CPS1: variants seen among roughly 807,000 people sequenced by gnomAD.
The protein encoded by CPS1 is carbamoyl-phosphate synthase [ammonia], mitochondrial.
Under a neutral mutation model 174.6 loss-of-function variants are expected in CPS1, and 109 were observed. The observed-to-expected ratio is 0.62, with a 90% confidence interval of 0.53 to 0.73. The LOEUF is 0.73. Among genes scored for constraint, CPS1 ranks in the 30% least tolerant of loss-of-function variants. CPS1 has a pLI of 0.00. For missense variants in CPS1, 1,689 were observed against 1,821.9 expected, an observed-to-expected ratio of 0.93 and a Z score of 1.33; for synonymous variants, 637 against 632.0, an observed-to-expected ratio of 1.01 and a Z score of -0.12.
intron 1 of CPS1, among the ~76,000 whole-genome samples, chr2:210,509,568 T>C (rs1695392983): frequency 1.3e-5 from 2 of 152,110 alleles, no homozygotes; most frequent in Admixed American, 6.5e-5. Context: ...GGGTATTCAG[T>C]TAGGAAAAGA....
At chr2:210,495,071 T>A (rs1046287506) in intron 1 of CPS1, among the ~76,000 whole-genome samples, 1 of 152,212 alleles carries the variant, frequency 6.6e-6, no homozygotes, top group South Asian at 2.1e-4. Context: ...TTGAAAATCA[T>A]TGGTAAAATG....
chr2:210,583,859 T>C (rs540935683), intron 6 of CPS1, among the ~76,000 whole-genome samples: 2 of 152,212 alleles, frequency 1.3e-5, no homozygotes, highest in Admixed American at 6.6e-5. Flanking sequence ...TAGAAGGTTA[T>C]TGTAACTTAT....
chr2:210,600,488 A>C, intron 14 of CPS1, 67 bp from the exon 15 acceptor site: 1 of 1,457,548 alleles, frequency 6.9e-7, no homozygotes, highest in Middle Eastern at 1.7e-4. Context: ...AGTTGTATTC[A>C]GTTGTCTATT....
chr2:210,515,622 T>A (rs747564917), intron 1 of CPS1, among the ~76,000 whole-genome samples: 8 of 151,724 alleles, frequency 5.3e-5, no homozygotes, highest in African/African-American at 1.9e-4. Flanking sequence ...AGTGGTCTCT[T>A]GATCTTGTTT....
chr2:210,554,233 ATG>A (rs1229760720), upstream of CPS1, among the ~76,000 whole-genome samples: 8 of 145,144 alleles, frequency 5.5e-5, no homozygotes, highest in South Asian at 4.3e-4. Context: ...ACATATATAT[ATG>A]TATGTATATA....
At chr2:210,541,114 C>T (rs753437777) in intron 1 of CPS1, among the ~76,000 whole-genome samples, 1 of 152,122 alleles carries the variant, frequency 6.6e-6, no homozygotes, top group Non-Finnish European at 1.5e-5. Flanking sequence ...CCCCAAGACT[C>T]AGATCATCGG....
intron 15 of CPS1, among the ~76,000 whole-genome samples, chr2:210,600,923 A>T (rs1449096769): frequency 6.6e-6 from 1 of 151,942 alleles, no homozygotes; most frequent in African/African-American, 2.4e-5. Flanking sequence ...AAAGAGAAAC[A>T]GAAGTCCAGA....
chr2:210,521,083 A>T (rs760339834), intron 1 of CPS1, among the ~76,000 whole-genome samples: 1 of 152,020 alleles, frequency 6.6e-6, no homozygotes, highest in Non-Finnish European at 1.5e-5. Flanking sequence ...AGGAGTTTCA[A>T]TTCTTTGAGG....
chr2:210,547,125 A>G (rs1165432475), intron 1 of CPS1, among the ~76,000 whole-genome samples: 1 of 152,128 alleles, frequency 6.6e-6, no homozygotes, highest in African/African-American at 2.4e-5. Flanking sequence ...AGCTGAGCCA[A>G]AGAATTTACA....
In CPS1 at chr2:210,579,765, G is replaced by A; in HGVS notation, c.523G>A (p.Asp175Asn). ...DTRMLTKIIR[D>N]KGTMLGKIEF... is the part of the protein sequence containing the mutation. ...AAGAATGCTGACTAAAATAATTCGGGATAAGGTATAATCATCATCTTTAGC... is the reference window on the plus strand; with the variant it reads ...AAGAATGCTGACTAAAATAATTCGGAATAAGGTATAATCATCATCTTTAGC... Residue 175 changes from aspartate (D) to asparagine (N), a missense_variant, in exon 5 of 38, where the codon GAT becomes AAT. Physicochemically the swap from Asp to Asn is conservative, Grantham distance 23. Transcript: ENST00000233072. 1 of 1,612,012 alleles carries A rather than the reference G, an allele frequency of 6.2e-7. No homozygotes were observed. Among genetic ancestry groups the A allele is most frequent in the Non-Finnish European group, 8.5e-7 (1 of 1,179,110 alleles).
intron 19 of CPS1, 21 bp downstream of exon 19, chr2:210,608,580 G>T: frequency 6.2e-7 from 1 of 1,605,474 alleles, no homozygotes; most frequent in Non-Finnish European, 8.5e-7. Flanking sequence ...GGTTTATTAC[G>T]CTTTTCTTCT....
At chr2:210,480,765 C>T (rs879303346) in intron 1 of CPS1, among the ~76,000 whole-genome samples, 10 of 152,116 alleles carry the variant, frequency 6.6e-5, no homozygotes, top group Admixed American at 5.2e-4. Flanking sequence ...GTTGACATTA[C>T]CTTATTTTCT....
Position 210,675,791 on chromosome 2 carries a change from G to A in CPS1, c.4225G>A (p.Ala1409Thr), listed in dbSNP as rs1305015806. The A allele has an allele frequency of 4.4e-6, 7 of 1,607,574 alleles. No homozygotes were observed. Among genetic ancestry groups the A allele is most frequent in the African/African-American group, 1.3e-5 (1 of 74,802 alleles). The change falls in exon 36 of 38, where the codon GCA becomes ACA. Residue 1409 changes from alanine (A) to threonine (T), a missense_variant. Physicochemically the swap from Ala to Thr is moderately conservative, Grantham distance 58. Coordinates refer to ENST00000233072, the MANE Select transcript of CPS1 (RefSeq NM_001875.5). Reference protein sequence around the residue: ...NANNVPATPVAWPSQEGQNPS... With the variant: ...NANNVPATPVTWPSQEGQNPS... ...CAACAATGTCCCTGCCACCCCAGTG[G>A]CATGGCCGTCTCAAGAAGGACAGAA...
intron 1 of CPS1, among the ~76,000 whole-genome samples, chr2:210,540,348 G>C (rs924659470): frequency 2.0e-5 from 3 of 152,148 alleles, no homozygotes; most frequent in African/African-American, 7.2e-5. Flanking sequence ...GAACATTCAT[G>C]CATTTAAATA....
intron 6 of CPS1, among the ~76,000 whole-genome samples, chr2:210,584,683 A>C (rs1357871258): frequency 6.6e-6 from 1 of 152,088 alleles, no homozygotes; most frequent in East Asian, 1.9e-4. Flanking sequence ...AAGTCTATTT[A>C]AAATCAAATG....
chr2:210,549,460 G>A (rs1696662748), intron 1 of CPS1, among the ~76,000 whole-genome samples: 3 of 152,028 alleles, frequency 2.0e-5, no homozygotes, highest in South Asian at 4.1e-4. Context: ...TTTAGACCAA[G>A]TTATAAGAAA....
chr2:210,541,291 G>A (rs904078506), intron 1 of CPS1, among the ~76,000 whole-genome samples: 1 of 152,138 alleles, frequency 6.6e-6, no homozygotes, highest in Non-Finnish European at 1.5e-5. Context: ...TTCTTGCCTG[G>A]CCAATCAAAC....
intron 4 of CPS1, 149 bp downstream of exon 4, chr2:210,577,659 C>T: frequency 1.4e-6 from 1 of 723,368 alleles, no homozygotes. Flanking sequence ...TACATAAAGG[C>T]TGAAATGTCT....
chr2:210,611,987 T>A, intron 19 of CPS1, 130 bp from the exon 20 acceptor site: 1 of 788,790 alleles, frequency 1.3e-6, no homozygotes, highest in Non-Finnish European at 2.0e-6. Context: ...TTTTTTTTAA[T>A]TTGAGAGGCT....
Sources: gnomAD v4.1 joint callset for allele counts (sites outside exome capture counted in the v4.1 genomes callset) on GRCh38, gnomAD v4.1.1 for gene constraint, MANE v1.5 for transcripts, NCBI Gene and HGNC (gene_info 2026-07-23, HGNC 2026-07-21) for gene names.